Variants in DOCK3 observed in about 807,000 individuals in gnomAD.
DOCK3 encodes dedicator of cytokinesis protein 3.
Under a neutral mutation model 265.6 loss-of-function variants are expected in DOCK3, and 60 were observed. That is an observed-to-expected ratio of 0.23 (90% CI 0.18 to 0.28). The LOEUF is 0.28. DOCK3 is among the 10% of genes least tolerant of loss of function. DOCK3 has a pLI of 1.00. For synonymous variants in DOCK3, 881 were observed against 938.0 expected (o/e 0.94, Z 1.11); for missense variants, 1,981 against 2,594.3 (o/e 0.76, Z 5.14).
rs2088616333 is a variant in DOCK3 at position 51,381,284 on chromosome 3, T to C, written c.5818T>C (p.Ser1940Pro). The change falls in exon 53 of 53, where the codon TCT (serine) becomes CCT (proline). Residue 1940 changes from serine (S) to proline (P), a missense_variant. Coordinates refer to ENST00000266037, the MANE Select transcript of DOCK3 (RefSeq NM_004947.5). This position sits in a 1 kb window ranked among gnomAD's most constrained non-coding sequence, Gnocchi z 5.6. ...PPYLPVHYSL[S>P]ESAVLDSIKA... is the part of the protein sequence containing the mutation. ...CTACCTCCCTGTCCACTACAGCCTC[T>C]CTGAGTCTGCCGTCCTGGACTCCAT... 1.2e-6 allele frequency: 2 copies of C among 1,613,620 alleles called. No individual in the cohort carries two copies. The highest frequency in any genetic ancestry group is 1.7e-6 in the Non-Finnish European group (2 of 1,179,870).
chr3:50,866,448 G>A (rs988616979), intron 3 of DOCK3, among the ~76,000 whole-genome samples: 1 of 150,572 alleles, frequency 6.6e-6, no homozygotes, highest in Non-Finnish European at 1.5e-5. Flanking sequence ...TCATGGCACC[G>A]CACTCCAGCC....
chr3:50,698,389 G>C (rs2035775838), intron 1 of DOCK3, among the ~76,000 whole-genome samples: 1 of 151,596 alleles, frequency 6.6e-6, no homozygotes, highest in Admixed American at 6.6e-5. Context: ...CTATTATATG[G>C]ATATACTATA....
chr3:50,786,975 C>G, intron 2 of DOCK3: 1 of 742,666 alleles, frequency 1.3e-6, no homozygotes, highest in African/African-American at 1.7e-5. Context: ...ATGTGTGCAA[C>G]CATGTGTTTT....
rs762554707 is a variant in DOCK3 at position 51,228,098 on chromosome 3, C to T, written c.1647+10C>T. On this transcript the variant is annotated intron_variant, in intron 17 of 52. Coordinates refer to ENST00000266037, the MANE Select transcript of DOCK3 (RefSeq NM_004947.5). ...GCTTTATGTGTACAAGGTATGAAGCCTAGCTGCCTTTCATCCCCACCCCTT... is the reference window on the plus strand; with the variant it reads ...GCTTTATGTGTACAAGGTATGAAGCTTAGCTGCCTTTCATCCCCACCCCTT... 16 of 1,613,252 alleles carry T rather than the reference C, an allele frequency of 9.9e-6. No homozygotes were observed. In the South Asian group the frequency reaches 1.6e-4, roughly 17 times the overall value.
chr3:50,791,211 G>A (rs2042458325), intron 2 of DOCK3, among the ~76,000 whole-genome samples: 1 of 150,804 alleles, frequency 6.6e-6, no homozygotes, highest in Non-Finnish European at 1.5e-5. Context: ...TATTGGCCTA[G>A]GTGATCTATT....
intron 12 of DOCK3, among the ~76,000 whole-genome samples, chr3:51,196,798 C>T (rs891132175): frequency 5.9e-5 from 9 of 152,110 alleles, no homozygotes; most frequent in Admixed American, 2.0e-4. Flanking sequence ...TTTCTGGATT[C>T]GCTTGTATCT....
intron 1 of DOCK3, among the ~76,000 whole-genome samples, chr3:50,732,223 A>G (rs2038262838): frequency 6.6e-6 from 1 of 152,096 alleles, no homozygotes; most frequent in African/African-American, 2.4e-5. Context: ...ACATGGACTC[A>G]GGGAGGGGAA....
At chr3:50,799,373 G>A (rs1311607175) in intron 2 of DOCK3, among the ~76,000 whole-genome samples, 1 of 151,900 alleles carries the variant, frequency 6.6e-6, no homozygotes, top group Non-Finnish European at 1.5e-5. Context: ...ATTTCTTTGG[G>A]TCCTCTTCGA....
chr3:50,746,247 C>T (rs1202443982), intron 1 of DOCK3, among the ~76,000 whole-genome samples: 1 of 151,694 alleles, frequency 6.6e-6, no homozygotes, highest in Non-Finnish European at 1.5e-5. Context: ...GCTAGGATTA[C>T]AGGCACACAC....
At chr3:51,357,267 C>T (rs749937718) in intron 44 of DOCK3, 126 bp downstream of exon 44, 1 of 1,103,306 alleles carries the variant, frequency 9.1e-7, no homozygotes, top group South Asian at 1.6e-5. Flanking sequence ...TTGACATGGT[C>T]CTGGAATGAG....
chr3:50,887,299 C>T (rs1365080468), intron 3 of DOCK3, among the ~76,000 whole-genome samples: 1 of 150,330 alleles, frequency 6.7e-6, no homozygotes, highest in Non-Finnish European at 1.5e-5. Context: ...TACACCCTCC[C>T]AAGACTAAAC....
chr3:51,044,937 G>T (rs986306053), intron 5 of DOCK3, among the ~76,000 whole-genome samples: 3 of 152,042 alleles, frequency 2.0e-5, no homozygotes, highest in Admixed American at 6.6e-5. Context: ...TGGTCATTTT[G>T]GTTGACTACC....
At chr3:51,164,992 G>A (rs984317376) in intron 12 of DOCK3, among the ~76,000 whole-genome samples, 5 of 133,642 alleles carry the variant, frequency 3.7e-5, no homozygotes, top group African/African-American at 1.4e-4. Context: ...AGGCTGGAGT[G>A]CAGTGGCGCA....
At chr3:50,794,746 T>TA (rs1177634136) in intron 2 of DOCK3, among the ~76,000 whole-genome samples, 1 of 152,222 alleles carries the variant, frequency 6.6e-6, no homozygotes, top group East Asian at 1.9e-4. Context: ...TTATTATTGA[T>TA]ATGTGTAGAT....
intron 40 of DOCK3, among the ~76,000 whole-genome samples, chr3:51,352,813 G>A (rs1038861711): frequency 2.6e-5 from 4 of 152,174 alleles, no homozygotes; most frequent in African/African-American, 7.2e-5. Context: ...GTCTTTTGTG[G>A]GGATGCTGGA....
intron 5 of DOCK3, among the ~76,000 whole-genome samples, chr3:51,015,183 G>A (rs1275440215): frequency 2.6e-5 from 4 of 152,060 alleles, no homozygotes; most frequent in African/African-American, 7.2e-5. Flanking sequence ...TAACAGTGGT[G>A]AAAATGAGCA....
At chr3:51,189,518 G>A (rs373839446) in intron 12 of DOCK3, among the ~76,000 whole-genome samples, 2 of 152,066 alleles carry the variant, frequency 1.3e-5, no homozygotes, top group East Asian at 3.9e-4. Context: ...ACAGTATTTG[G>A]TTTCTCATTC....
At chr3:51,197,273 A>G (rs374410799) in intron 12 of DOCK3, among the ~76,000 whole-genome samples, 1 of 152,162 alleles carries the variant, frequency 6.6e-6, no homozygotes, top group Admixed American at 6.5e-5. Context: ...CATGTTGGCA[A>G]TTATTGGTGG....
intron 40 of DOCK3, among the ~76,000 whole-genome samples, chr3:51,351,594 C>T (rs1560485872): frequency 1.3e-5 from 2 of 151,272 alleles, no homozygotes; most frequent in Admixed American, 6.6e-5. Context: ...CCCAGGAAGG[C>T]TCTAACTCTA....
Sources: gnomAD v4.1 joint callset for allele counts (sites outside exome capture counted in the v4.1 genomes callset) on GRCh38, gnomAD v4.1.1 for gene constraint, Gnocchi (gnomAD v3.1) non-coding constraint, MANE v1.5 for transcripts, NCBI Gene and HGNC (gene_info 2026-07-23, HGNC 2026-07-21) for gene names.